The following ADRA1A variants were observed in gnomAD, a reference collection of about 807,000 sequenced individuals.
The protein encoded by ADRA1A is adrenoceptor alpha 1A.
ADRA1A carries 31 observed loss-of-function variants against 29.6 expected under a neutral mutation model. That is an observed-to-expected ratio of 1.05 (90% confidence interval 0.79 to 1.41). The LOEUF is 1.41. ADRA1A is among the 40% of genes most tolerant of loss of function. The pLI is 0.00. For synonymous variants in ADRA1A, 311 were observed against 254.3 expected, an observed-to-expected ratio of 1.22 and a Z score of -2.12; for missense variants, 619 against 601.1, an observed-to-expected ratio of 1.03 and a Z score of -0.31.
intron 2 of ADRA1A, among the ~76,000 whole-genome samples, chr8:26,818,413 G>A (rs1353446): frequency 0.23 from 35,691 of 151,928 alleles, 4,932 homozygotes; most frequent in South Asian, 0.43. Context: ...TTTTTTGTTT[G>A]TAAAATTTTC....
chr8:26,791,098 C>T (rs954274531), intron 2 of ADRA1A, among the ~76,000 whole-genome samples: 6 of 152,090 alleles, frequency 3.9e-5, no homozygotes, highest in Admixed American at 6.6e-5. Context: ...AGAGCACATG[C>T]TTTTTACCAG....
chr8:26,789,893 A>G (rs1323866814), intron 2 of ADRA1A, among the ~76,000 whole-genome samples: 1 of 152,210 alleles, frequency 6.6e-6, no homozygotes, highest in Non-Finnish European at 1.5e-5. Context: ...GCAAATCCAA[A>G]CCACAATGAG....
chr8:26,842,729 G>C (rs1439844585), intron 2 of ADRA1A, among the ~76,000 whole-genome samples: 2 of 152,036 alleles, frequency 1.3e-5, no homozygotes, highest in Non-Finnish European at 2.9e-5. Context: ...CAAAACCTTT[G>C]TCTGGTTTTC....
rs182860519 is a variant in ADRA1A at position 26,839,876 on chromosome 8, C to G, written c.883+24211G>C. Among the ~76,000 whole-genome samples the G allele has an allele frequency of 2.6e-3, 393 of 152,244 alleles. 2 individuals are homozygous for G. Among genetic ancestry groups the G allele is most frequent in the African/African-American group, 9.1e-3 (380 of 41,540 alleles). ...CTAGAGAGAAGCTCTCGGAGGCAGG[C>G]TAACTCTGCCAAGGTCAAGGAGCAA... On this transcript the variant is annotated intron_variant, in intron 2 of 2. Transcript: ENST00000380573.
intron 2 of ADRA1A, among the ~76,000 whole-genome samples, chr8:26,856,812 A>C (rs1167743638): frequency 6.6e-6 from 1 of 152,188 alleles, no homozygotes; most frequent in Non-Finnish European, 1.5e-5. Context: ...ATTAATGTCT[A>C]TCTCCTTCTG....
In ADRA1A at chr8:26,860,590, C is replaced by T. The variant is rs559540354; in HGVS notation, c.883+3497G>A. Among the ~76,000 whole-genome samples the T allele has an allele frequency of 6.6e-6, 1 of 152,190 alleles. No homozygotes were observed. The highest frequency in any genetic ancestry group is 1.5e-5 in the Non-Finnish European group (1 of 68,040). ...CACTCTCAAAGATGAATCTTTCACA[C>T]CTTCTCTGAGGCTAAAACTGCCATC... On this transcript the variant is annotated intron_variant, in intron 2 of 2. Transcript: ENST00000380573. This position sits in a 1 kb window ranked among gnomAD's most constrained non-coding sequence, Gnocchi z 4.7.
At chr8:26,843,914 A>G (rs1812018681) in intron 2 of ADRA1A, among the ~76,000 whole-genome samples, 1 of 152,222 alleles carries the variant, frequency 6.6e-6, no homozygotes, top group African/African-American at 2.4e-5. Context: ...TTGTGCCATA[A>G]ATGTTAGTGC....
At chr8:26,758,724 G>A (rs1473784472) in intron 2 of ADRA1A, among the ~76,000 whole-genome samples, 1 of 152,202 alleles carries the variant, frequency 6.6e-6, no homozygotes, top group Non-Finnish European at 1.5e-5. Context: ...ATGGGCATTG[G>A]GGTGGAGTTG....
chr8:26,752,996 A>T (rs1047247689), downstream of ADRA1A, among the ~76,000 whole-genome samples: 69 of 152,170 alleles, frequency 4.5e-4, no homozygotes, highest in African/African-American at 1.6e-3. Flanking sequence ...CTAAGTGGCG[A>T]GTGGTTGAGG....
intron 2 of ADRA1A, among the ~76,000 whole-genome samples, chr8:26,793,726 G>T (rs1320328473): frequency 2.6e-5 from 4 of 151,874 alleles, no homozygotes. Context: ...TAAATTTGAA[G>T]ATATTTGTCT....
chr8:26,784,525 C>G (rs1335165229), intron 2 of ADRA1A, among the ~76,000 whole-genome samples: 5 of 152,216 alleles, frequency 3.3e-5, no homozygotes, highest in African/African-American at 4.8e-5. Context: ...ATCAATTTCT[C>G]TCTCTCTCAC....
downstream of ADRA1A, among the ~76,000 whole-genome samples, chr8:26,760,914 A>G (rs1805475055): frequency 6.6e-6 from 1 of 152,140 alleles, no homozygotes; most frequent in East Asian, 1.9e-4. Context: ...TTCTGGGTGG[A>G]TCTTCTGATG....
chr8:26,837,090 T>C (rs1464111488), intron 2 of ADRA1A, among the ~76,000 whole-genome samples: 2 of 151,756 alleles, frequency 1.3e-5, no homozygotes, highest in Non-Finnish European at 2.9e-5. Flanking sequence ...TAAACAAAGG[T>C]AGATATACAA....
intron 2 of ADRA1A, among the ~76,000 whole-genome samples, chr8:26,855,040 G>A (rs558905267): frequency 2.2e-4 from 33 of 152,270 alleles, no homozygotes; most frequent in African/African-American, 6.3e-4. Context: ...TTCCAGCCTC[G>A]AGGATTGTGA....
chr8:26,811,572 G>A (rs1288213528), intron 2 of ADRA1A, among the ~76,000 whole-genome samples: 1 of 152,176 alleles, frequency 6.6e-6, no homozygotes, highest in Non-Finnish European at 1.5e-5. Context: ...CAGTCCACTA[G>A]AGCCCACTCA....
chr8:26,764,270 C>T (rs947692224), downstream of ADRA1A, among the ~76,000 whole-genome samples: 4 of 152,192 alleles, frequency 2.6e-5, no homozygotes, highest in African/African-American at 9.7e-5. Flanking sequence ...CCTTACATGT[C>T]ACCCTGTGGA....
At chr8:26,766,097 T>G (rs143242407), downstream of ADRA1A, 33 of 1,613,712 alleles carry the variant, frequency 2.0e-5, no homozygotes, top group African/African-American at 3.9e-4. Context: ...AAAATTCACA[T>G]GCTTGATATG....
At chr8:26,799,008 C>G (rs924352420) in intron 2 of ADRA1A, among the ~76,000 whole-genome samples, 3 of 152,060 alleles carry the variant, frequency 2.0e-5, no homozygotes, top group Admixed American at 1.3e-4. Flanking sequence ...TACATTCTAT[C>G]TAGCAAGTTT....
chr8:26,855,410 C>T (rs545160286), intron 2 of ADRA1A, among the ~76,000 whole-genome samples: 25 of 130,372 alleles, frequency 1.9e-4, no homozygotes, highest in Non-Finnish European at 3.5e-4. Context: ...ATGAGCTTAC[C>T]GATAAAAAAA....
Sources: gnomAD v4.1 joint callset for allele counts (sites outside exome capture counted in the v4.1 genomes callset) on GRCh38, gnomAD v4.1.1 for gene constraint, Gnocchi (gnomAD v3.1) non-coding constraint, MANE v1.5 for transcripts, NCBI Gene and HGNC (gene_info 2026-07-23, HGNC 2026-07-21) for gene names.